The following HOOK3 variants were observed in gnomAD, a reference collection of about 807,000 sequenced individuals.
HOOK3 encodes the protein hook microtubule tethering protein 3.
In HOOK3, 24 loss-of-function variants were observed where a neutral mutation model predicts 116.3. That is an observed-to-expected ratio of 0.21 (90% confidence interval 0.15 to 0.29). The LOEUF (loss-of-function observed/expected upper bound fraction) is 0.29. Among genes scored for constraint, HOOK3 ranks in the 10% least tolerant of loss-of-function variants. The pLI, the probability that HOOK3 is intolerant of heterozygous loss-of-function variation, is 1.00. For missense variants in HOOK3, 632 were observed against 830.2 expected, an observed-to-expected ratio of 0.76 and a Z score of 2.93; for synonymous variants, 275 against 283.0, an observed-to-expected ratio of 0.97 and a Z score of 0.28.
Position 43,029,630 on chromosome 8 carries a change from C to T in HOOK3, c.*11132C>T, listed in dbSNP as rs1247363963. On this transcript the variant is annotated 3_prime_UTR_variant, in exon 22 of 22. Transcript: ENST00000307602. ...TGTTTTGACAATTGCCCACCATTTA[C>T]AATACTCAATTTTTGATTATGAAAT... 13 of 191,168 alleles carry T rather than the reference C, an allele frequency of 6.8e-5. No individual in the cohort carries two copies. The Admixed American group carries it at 7.4e-4, about 11-fold the overall frequency. 11.8% of individuals were successfully genotyped at this position (191,168 alleles called of 1,614,324 possible).
At position 43,010,384 on chromosome 8, in the gene HOOK3, A is replaced by G. The variant is rs1343037413; in HGVS notation, c.1818A>G (p.Lys606=). Residue 606 remains lysine (K), a synonymous_variant, in exon 19 of 22, where the codon AAA becomes AAG. Transcript: ENST00000307602. Reference sequence around the variant, plus strand: ...AGCAAATGGAAGAACGATACAAAAAATACTTAGAGAAAGCCAAAAGTGTAA... The same window carrying G: ...AGCAAATGGAAGAACGATACAAAAAGTACTTAGAGAAAGCCAAAAGTGTAA... ...EMKQMEERYK[K]YLEKAKSVIR... 6.8e-7 allele frequency: 1 copy of G among 1,461,362 alleles called. No individual in the cohort carries two copies. 90.5% of individuals were successfully genotyped at this position (1,461,362 alleles called of 1,614,324 possible).
At chr8:42,995,542 G>A (rs2130464728) in intron 15 of HOOK3, among the ~76,000 whole-genome samples, 1 of 152,178 alleles carries the variant, frequency 6.6e-6, no homozygotes, top group East Asian at 1.9e-4. Flanking sequence ...GGCCTTCTTT[G>A]TTAGTCTTTT....
At chr8:42,928,870 C>T (rs947817775) in intron 3 of HOOK3, among the ~76,000 whole-genome samples, 3 of 151,924 alleles carry the variant, frequency 2.0e-5, no homozygotes, top group African/African-American at 4.8e-5. Context: ...GGTGAAACCC[C>T]GTCTCTACTA....
At chr8:42,990,533 G>T (rs1809140376) in intron 15 of HOOK3, among the ~76,000 whole-genome samples, 1 of 150,844 alleles carries the variant, frequency 6.6e-6, no homozygotes, top group East Asian at 2.0e-4. Flanking sequence ...TAGAGATGGG[G>T]TTTCGCCATG....
rs1488084619 is a variant in HOOK3 at position 42,915,785 on chromosome 8, G to A, written c.143+9527G>A. On this transcript the variant is annotated intron_variant, in intron 2 of 21. Coordinates refer to ENST00000307602, the MANE Select transcript of HOOK3 (RefSeq NM_032410.4). ...TCAGTTCTTCTCCTAACCTGTCAGC[G>A]TCATTTGATAACACTTACCATGTTT... Among the ~76,000 whole-genome samples the A allele has an allele frequency of 6.6e-5, 10 of 152,190 alleles. No individual in the cohort carries two copies. The East Asian group carries it at 1.7e-3, about 26-fold the overall frequency.
intron 4 of HOOK3, among the ~76,000 whole-genome samples, chr8:42,933,999 A>G (rs1045021419): frequency 1.3e-5 from 2 of 151,846 alleles, no homozygotes; most frequent in Admixed American, 6.6e-5. Flanking sequence ...ACACCCTTAA[A>G]ATCTGAATGC....
At chr8:43,013,892 G>A (rs1809658165) in intron 21 of HOOK3, among the ~76,000 whole-genome samples, 1 of 152,170 alleles carries the variant, frequency 6.6e-6, no homozygotes, top group African/African-American at 2.4e-5. Flanking sequence ...GATGTGAATA[G>A]TTACGGATTT....
intron 18 of HOOK3, among the ~76,000 whole-genome samples, chr8:43,008,951 G>T (rs141967179): frequency 4.0e-5 from 6 of 151,856 alleles, no homozygotes; most frequent in African/African-American, 7.3e-5. Flanking sequence ...GAGCCACCGC[G>T]CCCGGCCTAA....
chr8:42,936,698 A>G (rs899147018), intron 4 of HOOK3, among the ~76,000 whole-genome samples: 1 of 152,152 alleles, frequency 6.6e-6, no homozygotes, highest in South Asian at 2.1e-4. Flanking sequence ...ATGTTTACTG[A>G]TTTGAGTATG....
intron 18 of HOOK3, among the ~76,000 whole-genome samples, chr8:43,008,663 A>ATTTTTTTTTTTT (rs546007965): frequency 7.6e-6 from 1 of 131,460 alleles, no homozygotes; most frequent in African/African-American, 2.9e-5. Context: ...TTTTATTTTT[A>ATTTTTTTTTTTT]TTTTTTTTTT....
At chr8:42,955,269 A>G (rs150317934) in intron 6 of HOOK3, among the ~76,000 whole-genome samples, 18 of 152,304 alleles carry the variant, frequency 1.2e-4, no homozygotes, top group Admixed American at 3.3e-4. Context: ...ACAGAGACCA[A>G]CTTTTCACAT....
intron 9 of HOOK3, among the ~76,000 whole-genome samples, chr8:42,965,683 A>C (rs1808620804): frequency 6.6e-6 from 1 of 152,190 alleles, no homozygotes; most frequent in South Asian, 2.1e-4. Flanking sequence ...TACTTTACTG[A>C]GTAACTGAGT....
At chr8:42,905,592 A>G (rs1807289859) in intron 1 of HOOK3, among the ~76,000 whole-genome samples, 2 of 151,996 alleles carry the variant, frequency 1.3e-5, no homozygotes, top group African/African-American at 2.4e-5. Context: ...CGTGATTTTC[A>G]TAGATTGATC....
chr8:42,948,197 C>G (rs774440673), intron 5 of HOOK3, among the ~76,000 whole-genome samples: 2 of 152,070 alleles, frequency 1.3e-5, no homozygotes, highest in Non-Finnish European at 2.9e-5. Flanking sequence ...TAGACAAGGA[C>G]AAAAACTCAT....
chr8:42,917,412 C>T (rs1247570710), intron 2 of HOOK3, among the ~76,000 whole-genome samples: 2 of 152,154 alleles, frequency 1.3e-5, no homozygotes, highest in East Asian at 3.8e-4. Flanking sequence ...CTGAATGTTC[C>T]AACCTCTAAT....
intron 15 of HOOK3, among the ~76,000 whole-genome samples, chr8:42,989,865 C>T (rs1273433197): frequency 1.3e-5 from 2 of 152,128 alleles, no homozygotes; most frequent in African/African-American, 4.8e-5. Flanking sequence ...CCTGTTATTT[C>T]ACTTAACATA....
intron 15 of HOOK3, among the ~76,000 whole-genome samples, chr8:42,987,472 A>C (rs1809069942): frequency 6.6e-6 from 1 of 152,212 alleles, no homozygotes; most frequent in African/African-American, 2.4e-5. Context: ...AATAGAGTTT[A>C]CCATTTCCAC....
At chr8:43,013,593 A>G (rs1029139731) in intron 21 of HOOK3, among the ~76,000 whole-genome samples, 193 bp downstream of exon 21, 3 of 152,210 alleles carry the variant, frequency 2.0e-5, no homozygotes, top group Non-Finnish European at 4.4e-5. Flanking sequence ...ACAGGGTTAG[A>G]GCATTTTGAA....
At chr8:42,937,791 G>A (rs955395376) in intron 4 of HOOK3, among the ~76,000 whole-genome samples, 2 of 152,184 alleles carry the variant, frequency 1.3e-5, no homozygotes, top group Non-Finnish European at 2.9e-5. Flanking sequence ...CATTTACTGA[G>A]GAGTGTTTTA....
Sources: gnomAD v4.1 joint callset for allele counts (sites outside exome capture counted in the v4.1 genomes callset) on GRCh38, gnomAD v4.1.1 for gene constraint, MANE v1.5 for transcripts, NCBI Gene and HGNC (gene_info 2026-07-23, HGNC 2026-07-21) for gene names.